BCL2L13: variants seen among roughly 807,000 people sequenced by gnomAD.
BCL2L13 encodes the protein BCL2 like 13.
Under a neutral mutation model 25.8 loss-of-function variants are expected in BCL2L13, and 13 were observed. That is an observed-to-expected ratio of 0.50 (90% CI 0.33 to 0.80). The LOEUF is 0.80. BCL2L13 is among the 30% of genes least tolerant of loss of function. The pLI is 0.02. For synonymous variants in BCL2L13, 244 were observed against 230.3 expected (o/e 1.06, Z -0.54); for missense variants, 504 against 574.9 (o/e 0.88, Z 1.26).
At chr22:17,674,824 A>G (rs1170398161) in intron 2 of BCL2L13, among the ~76,000 whole-genome samples, 1 of 152,074 alleles carries the variant, frequency 6.6e-6, no homozygotes, top group Non-Finnish European at 1.5e-5. Context: ...GTGAGTTCAT[A>G]CTGGATGCAA....
intron 2 of BCL2L13, among the ~76,000 whole-genome samples, chr22:17,681,324 C>T (rs1347578661): frequency 6.6e-6 from 1 of 151,632 alleles, no homozygotes; most frequent in African/African-American, 2.4e-5. Context: ...GGCTAACACG[C>T]TGAAACCCTG....
chr22:17,706,585 C>T lies in BCL2L13; in HGVS notation c.600+4199C>T, dbSNP rs868653473. 16 of 869,312 alleles carry T rather than the reference C, an allele frequency of 1.8e-5. 1 individual carries two copies. In the East Asian group the frequency reaches 7.2e-4, roughly 39 times the overall value. 53.8% of individuals were successfully genotyped at this position (869,312 alleles called of 1,614,324 possible). A position where few individuals can be genotyped will look rare whatever the true frequency, so the allele number is the denominator to read the frequency against. On this transcript the variant is annotated intron_variant, in intron 6 of 6. Transcript: ENST00000317582. ...TTTACAAATGCCAGGTTTTCACATGCGTCTCTGAAGAGTGTGGTTTTTTTC... is the reference window on the plus strand; with the variant it reads ...TTTACAAATGCCAGGTTTTCACATGTGTCTCTGAAGAGTGTGGTTTTTTTC...
chr22:17,652,995 G>A (rs1443958449), intron 1 of BCL2L13, among the ~76,000 whole-genome samples: 3 of 152,094 alleles, frequency 2.0e-5, no homozygotes, highest in Non-Finnish European at 4.4e-5. Context: ...AACCCAGGAG[G>A]CGGAGCTTGC....
intron 6 of BCL2L13, among the ~76,000 whole-genome samples, chr22:17,709,193 G>A (rs906124623): frequency 1.1e-4 from 17 of 151,864 alleles, no homozygotes; most frequent in Admixed American, 4.6e-4. Flanking sequence ...CCAAGACTGC[G>A]CCACTGCACT....
At chr22:17,711,472 A>G (rs1426180491) in intron 6 of BCL2L13, among the ~76,000 whole-genome samples, 4 of 151,618 alleles carry the variant, frequency 2.6e-5, no homozygotes. Flanking sequence ...TAATTTTTGT[A>G]TGTTTTTGTA....
chr22:17,684,989 C>T (rs2059878699), intron 3 of BCL2L13, among the ~76,000 whole-genome samples: 1 of 152,088 alleles, frequency 6.6e-6, no homozygotes, highest in East Asian at 1.9e-4. Context: ...CCCGCCTTGG[C>T]CTCCCAAAGT....
chr22:17,658,338 A>G (rs2058953201), intron 2 of BCL2L13, among the ~76,000 whole-genome samples: 1 of 152,160 alleles, frequency 6.6e-6, no homozygotes. Flanking sequence ...TCATATTTGT[A>G]TTGGTAATGG....
chr22:17,656,046 G>T (rs935849782), intron 2 of BCL2L13, among the ~76,000 whole-genome samples: 5 of 151,914 alleles, frequency 3.3e-5, no homozygotes, highest in African/African-American at 4.8e-5. Context: ...TTCGAGACTA[G>T]CCTGGCCAAC....
chr22:17,656,560 C>T lies in BCL2L13; in HGVS notation c.121+728C>T, dbSNP rs957137481. 2.0e-5 allele frequency among the ~76,000 whole-genome samples: 3 copies of T among 151,476 alleles called. No homozygotes were observed. In the East Asian group the frequency reaches 5.9e-4, roughly 30 times the overall value. Reference sequence around the variant, plus strand: ...ATGAGGTTTTGCCGTGTTGGCCAGGCTGGTCTCAAACTCTGGACCTCAGGT... The same window carrying T: ...ATGAGGTTTTGCCGTGTTGGCCAGGTTGGTCTCAAACTCTGGACCTCAGGT... On this transcript the variant is annotated intron_variant, in intron 2 of 6. Transcript: ENST00000317582.
intron 6 of BCL2L13, chr22:17,702,680 T>G (rs1260354008): frequency 4.5e-6 from 1 of 224,084 alleles, no homozygotes; most frequent in Non-Finnish European, 8.6e-6. Flanking sequence ...TGTTTATAAA[T>G]TTTCCTTATA....
intron 2 of BCL2L13, among the ~76,000 whole-genome samples, chr22:17,670,130 CTGT>C (rs1022978145): frequency 1.3e-5 from 2 of 152,104 alleles, no homozygotes; most frequent in East Asian, 1.9e-4. Context: ...GTCTGTATAC[CTGT>C]TGTTATACCA....
chr22:17,721,802 A>G (rs1213513866), intron 6 of BCL2L13, among the ~76,000 whole-genome samples: 3 of 152,174 alleles, frequency 2.0e-5, no homozygotes, highest in African/African-American at 7.2e-5. Context: ...CTGGGATTAC[A>G]GGCGTGAGCC....
intron 1 of BCL2L13, among the ~76,000 whole-genome samples, chr22:17,633,148 C>A (rs2058056778): frequency 6.6e-6 from 1 of 152,178 alleles, no homozygotes; most frequent in Admixed American, 6.6e-5. Context: ...CCAAAATTAA[C>A]AATTAACATT....
chr22:17,643,363 C>G (rs1259546739), intron 1 of BCL2L13, among the ~76,000 whole-genome samples: 2 of 152,078 alleles, frequency 1.3e-5, no homozygotes, highest in Non-Finnish European at 2.9e-5. Context: ...CTTAGCCTCC[C>G]AAAGTGCTGG....
intron 2 of BCL2L13, among the ~76,000 whole-genome samples, chr22:17,666,605 G>A (rs1231106667): frequency 1.3e-5 from 2 of 150,666 alleles, no homozygotes; most frequent in Non-Finnish European, 1.5e-5. Context: ...TTGTCTTTCT[G>A]TGCCTGGCTT....
At chr22:17,631,695 TATATATATA>T in intron 1 of BCL2L13, among the ~76,000 whole-genome samples, 2 of 49,570 alleles carry the variant, frequency 4.0e-5, no homozygotes, top group Non-Finnish European at 8.7e-5. Flanking sequence ...TATATATATA[TATATATATA>T]TATTTTTTTT....
At chr22:17,655,135 G>C (rs1214404498) in intron 1 of BCL2L13, among the ~76,000 whole-genome samples, 4 of 151,654 alleles carry the variant, frequency 2.6e-5, no homozygotes, top group Non-Finnish European at 5.9e-5. Flanking sequence ...ATTAGCCCAG[G>C]CCTACACAGA....
chr22:17,635,952 G>A (rs547410025), upstream of BCL2L13, among the ~76,000 whole-genome samples: 10 of 151,732 alleles, frequency 6.6e-5, no homozygotes, highest in Middle Eastern at 3.4e-3. Flanking sequence ...CTCGTGATCC[G>A]TCCCCCTTGG....
At position 17,715,143 on chromosome 22, in the gene BCL2L13, TATATATA is replaced by T. The variant is rs2060886813; in HGVS notation, c.601-11533_601-11527del. On this transcript the variant is annotated intron_variant, in intron 6 of 6. Transcript: ENST00000317582. ...AATTTTATATATATATATATATATA[TATATATA>T]TATATATATATATATATATATTTTT... Among the ~76,000 whole-genome samples, 3 of 10,358 alleles carry T rather than the reference TATATATA, an allele frequency of 2.9e-4. 1 individual carries two copies. Among genetic ancestry groups the T allele is most frequent in the Admixed American group, 1.5e-3 (1 of 660 alleles). 6.8% of individuals were successfully genotyped at this position (10,358 alleles called of 152,430 possible). A position where few individuals can be genotyped will look rare whatever the true frequency, so the allele number is the denominator to read the frequency against.
Sources: allele counts gnomAD v4.1 joint callset (sites outside exome capture counted in the v4.1 genomes callset), GRCh38; gene constraint gnomAD v4.1.1; transcripts MANE v1.5; gene names NCBI Gene and HGNC (gene_info 2026-07-23, HGNC 2026-07-21).